The following AK5 variants were observed in gnomAD, a reference collection of about 807,000 sequenced individuals.
The protein encoded by AK5 is adenylate kinase 5.
In AK5, 27 loss-of-function variants were observed where a neutral mutation model predicts 69.5. That is an observed-to-expected ratio of 0.39 (90% CI 0.29 to 0.54). The LOEUF (loss-of-function observed/expected upper bound fraction) is 0.54. AK5 is among the 20% of genes least tolerant of loss of function. The pLI is 0.71. For missense variants in AK5, 531 were observed against 700.4 expected (o/e 0.76, Z 2.73); for synonymous variants, 260 against 244.4 (o/e 1.06, Z -0.60).
At chr1:77,481,664 G>C (rs1655259517) in intron 8 of AK5, among the ~76,000 whole-genome samples, 1 of 152,204 alleles carries the variant, frequency 6.6e-6, no homozygotes, top group Non-Finnish European at 1.5e-5. Context: ...GTGAATTAGA[G>C]GCAAGAGGCC....
intron 8 of AK5, among the ~76,000 whole-genome samples, chr1:77,479,132 CTCA>C (rs1655113262): frequency 6.6e-6 from 1 of 151,682 alleles, no homozygotes; most frequent in Admixed American, 6.6e-5. Flanking sequence ...TAGATTTCTC[CTCA>C]TCAATTACCA....
At chr1:77,466,398 G>C (rs1327843687) in intron 8 of AK5, among the ~76,000 whole-genome samples, 1 of 152,110 alleles carries the variant, frequency 6.6e-6, no homozygotes, top group Non-Finnish European at 1.5e-5. Context: ...CCTAATATCA[G>C]TTAGCTAGAC....
intron 6 of AK5, among the ~76,000 whole-genome samples, chr1:77,404,902 C>G (rs1649514467): frequency 6.6e-6 from 1 of 152,092 alleles, no homozygotes; most frequent in Non-Finnish European, 1.5e-5. Context: ...TTATCTTTTC[C>G]TCTTGAATTG....
intron 6 of AK5, among the ~76,000 whole-genome samples, chr1:77,357,023 G>A (rs774415045): frequency 6.6e-5 from 10 of 152,020 alleles, no homozygotes; most frequent in Non-Finnish European, 1.3e-4. Context: ...TTCCGATTTG[G>A]CTTCCACTGT....
chr1:77,364,616 T>C (rs556768288), intron 6 of AK5, among the ~76,000 whole-genome samples: 1 of 152,286 alleles, frequency 6.6e-6, no homozygotes, highest in South Asian at 2.1e-4. Flanking sequence ...AGTGAGACCA[T>C]GTAGTGTTTA....
At chr1:77,495,471 A>G (rs1486301774) in intron 10 of AK5, among the ~76,000 whole-genome samples, 1 of 152,364 alleles carries the variant, frequency 6.6e-6, no homozygotes, top group East Asian at 1.9e-4. Flanking sequence ...ACCTCTGTCT[A>G]CCCCAGCCAT....
intron 6 of AK5, among the ~76,000 whole-genome samples, chr1:77,406,585 T>TG (rs1649666009): frequency 6.6e-6 from 1 of 152,160 alleles, no homozygotes; most frequent in Non-Finnish European, 1.5e-5. Context: ...TGGAGTAGAA[T>TG]GGCTGCCTTT....
chr1:77,304,424 A>G (rs1297689472), intron 5 of AK5, among the ~76,000 whole-genome samples: 2 of 92,218 alleles, frequency 2.2e-5, no homozygotes, highest in Non-Finnish European at 4.3e-5. Flanking sequence ...TTTTTTTTTG[A>G]CATGGAGTTT....
intron 10 of AK5, among the ~76,000 whole-genome samples, chr1:77,487,071 A>G (rs1909202): frequency 0.75 from 114,086 of 152,108 alleles, 43,614 homozygotes; most frequent in East Asian, 1. Context: ...AGTAAAAACT[A>G]TCTAATTTGC....
chr1:77,518,311 A>C (rs1657782310), intron 10 of AK5, among the ~76,000 whole-genome samples: 1 of 152,174 alleles, frequency 6.6e-6, no homozygotes, highest in Non-Finnish European at 1.5e-5. Flanking sequence ...GTCTATGAAA[A>C]GTAACTGCTT....
At chr1:77,472,088 A>C (rs905609816) in intron 8 of AK5, among the ~76,000 whole-genome samples, 1 of 152,266 alleles carries the variant, frequency 6.6e-6, no homozygotes, top group Non-Finnish European at 1.5e-5. Flanking sequence ...GCAATTGTGC[A>C]TAAGTTAAGC....
chr1:77,450,654 A>G (rs189365142), intron 8 of AK5, among the ~76,000 whole-genome samples: 47 of 152,252 alleles, frequency 3.1e-4, no homozygotes, highest in Admixed American at 1.9e-3. Context: ...ATCTATAATA[A>G]CTATCCTCAA....
chr1:77,334,396 T>C (rs1288940010), intron 5 of AK5, among the ~76,000 whole-genome samples: 1 of 152,166 alleles, frequency 6.6e-6, no homozygotes, highest in Non-Finnish European at 1.5e-5. Flanking sequence ...TCTGTCTAGG[T>C]TTTCAGTTTT....
chr1:77,556,777 G>C (rs1469255633), intron 13 of AK5, among the ~76,000 whole-genome samples: 2 of 152,118 alleles, frequency 1.3e-5, no homozygotes, highest in African/African-American at 4.8e-5. Context: ...ATGTGTGTTT[G>C]AAAACTTTGT....
chr1:77,514,741 C>T lies in AK5; in HGVS notation c.1148-3823C>T, dbSNP rs1219263552. Among the ~76,000 whole-genome samples, 26 of 152,088 alleles carry T rather than the reference C, an allele frequency of 1.7e-4. 1 individual carries two copies. Among genetic ancestry groups the T allele is most frequent in the Non-Finnish European group, 2.9e-5 (2 of 68,024 alleles). On this transcript the variant is annotated intron_variant, in intron 10 of 13. Coordinates refer to ENST00000354567, the MANE Select transcript of AK5 (RefSeq NM_174858.3). ...TGAAGATTTTTAATTGCCTTTGTGT[C>T]GAGATTTATTAAATAACATTTTAGA...
chr1:77,424,970 C>T (rs1280480409), intron 8 of AK5, among the ~76,000 whole-genome samples: 2 of 152,164 alleles, frequency 1.3e-5, no homozygotes, highest in African/African-American at 4.8e-5. Flanking sequence ...CCTTTATATA[C>T]AAACTTCAGA....
In AK5 at chr1:77,399,093, C is replaced by T. The variant is rs375647551; in HGVS notation, c.892-11888C>T. On this transcript the variant is annotated intron_variant, in intron 6 of 13. Transcript: ENST00000354567. ...TACATTGGGGTTTATTTCAGCTACCCCCAATAGAAGTAAGTGCTTTCTGCA... is the reference window on the plus strand; with the variant it reads ...TACATTGGGGTTTATTTCAGCTACCTCCAATAGAAGTAAGTGCTTTCTGCA... Among the ~76,000 whole-genome samples the T allele has an allele frequency of 4.6e-5, 7 of 152,186 alleles. No individual in the cohort carries two copies. The East Asian group carries it at 1.2e-3, about 25-fold the overall frequency.
At chr1:77,516,114 T>G (rs1261263542) in intron 10 of AK5, among the ~76,000 whole-genome samples, 1 of 152,154 alleles carries the variant, frequency 6.6e-6, no homozygotes, top group Non-Finnish European at 1.5e-5. Context: ...TAAAAAAATG[T>G]GCTAGAATAT....
chr1:77,542,452 G>A (rs926851956), intron 13 of AK5, among the ~76,000 whole-genome samples: 2 of 152,208 alleles, frequency 1.3e-5, no homozygotes, highest in African/African-American at 4.8e-5. Flanking sequence ...TGAGGAGGTA[G>A]CATTTGAATT....
Sources: gnomAD v4.1 joint callset for allele counts (sites outside exome capture counted in the v4.1 genomes callset) on GRCh38, gnomAD v4.1.1 for gene constraint, MANE v1.5 for transcripts, NCBI Gene and HGNC (gene_info 2026-07-23, HGNC 2026-07-21) for gene names.